Variants in C1orf159 observed in about 807,000 individuals in gnomAD.
The protein encoded by C1orf159 is chromosome 1 open reading frame 159.
A neutral mutation model predicts 25.6 loss-of-function variants in C1orf159; 19 were observed. The observed-to-expected ratio is 0.74, with a 90% CI of 0.52 to 1.09. The LOEUF (loss-of-function observed/expected upper bound fraction) is 1.09. C1orf159 is among the 50% of genes least tolerant of loss of function. The pLI, the probability that C1orf159 is intolerant of heterozygous loss-of-function variation, is 0.00. For missense variants in C1orf159, 274 were observed against 290.6 expected (o/e 0.94, Z 0.42); for synonymous variants, 139 against 124.7 (o/e 1.12, Z -0.77).
rs918120527 is a variant in C1orf159 at position 1,110,739 on chromosome 1, C to T, written c.-136+5321G>A. ...AAAATAGGCCCAACTCTTCAGACAG[C>T]GGAAACCCACCCGGGCGCCCTCAGA... is the stretch of plus-strand genomic sequence containing the variant. On this transcript the variant is annotated intron_variant, in intron 1 of 9. Transcript: ENST00000421241. This position sits in a 1 kb window ranked among gnomAD's most constrained non-coding sequence, Gnocchi z 4.8. Among the ~76,000 whole-genome samples, 7 of 152,218 alleles carry T rather than the reference C, an allele frequency of 4.6e-5. No homozygotes were observed. The highest frequency in any genetic ancestry group is 7.3e-5 in the Non-Finnish European group (5 of 68,046).
intron 9 of C1orf159, chr1:1,083,463 AAGACGCAGAGGTGGGGG>A (rs1645777450): frequency 4.8e-6 from 1 of 206,198 alleles, no homozygotes; most frequent in Admixed American, 5.3e-5. Context: ...GCAGAGAGAG[AAGACGCAGAGGTGGGGG>A]AGACGCCGTG....
At chr1:1,102,843 A>G (rs1646121819) in intron 1 of C1orf159, among the ~76,000 whole-genome samples, 1 of 150,850 alleles carries the variant, frequency 6.6e-6, no homozygotes, top group Non-Finnish European at 1.5e-5. Context: ...TTTTTTTGAG[A>G]CAAGAGTTTC....
intron 3 of C1orf159, chr1:1,090,809 T>G (rs989052495): frequency 7.4e-7 from 1 of 1,355,796 alleles, no homozygotes; most frequent in Non-Finnish European, 1.0e-6. Context: ...CTGGCTGGCA[T>G]TTCAGGGGAC....
intron 1 of C1orf159, among the ~76,000 whole-genome samples, chr1:1,104,969 A>G (rs1240981886): frequency 6.6e-6 from 1 of 152,232 alleles, no homozygotes; most frequent in Non-Finnish European, 1.5e-5. Flanking sequence ...CACTTGCCAC[A>G]TGCCAGACAC....
chr1:1,114,016 A>AC (rs1646299866), intron 1 of C1orf159, among the ~76,000 whole-genome samples: 1 of 149,030 alleles, frequency 6.7e-6, no homozygotes, highest in Non-Finnish European at 1.5e-5. Context: ...TCCCGAGTTC[A>AC]AGCGATTCTC....
At chr1:1,084,143 G>A in intron 9 of C1orf159, 1 of 1,549,630 alleles carries the variant, frequency 6.5e-7, no homozygotes. Context: ...CGGGCAGGGG[G>A]CGCCGGCCAA....
At chr1:1,112,333 G>T (rs1208287397) in intron 1 of C1orf159, among the ~76,000 whole-genome samples, 1 of 152,226 alleles carries the variant, frequency 6.6e-6, no homozygotes, top group South Asian at 2.1e-4. Flanking sequence ...CGTTTGACAG[G>T]TAACGGAAGA....
At chr1:1,090,225 C>T in intron 4 of C1orf159, 128 bp downstream of exon 4, 2 of 959,460 alleles carry the variant, frequency 2.1e-6, no homozygotes, top group Admixed American at 4.2e-5. Flanking sequence ...CCCTCACTGC[C>T]CCATCCACTC....
Position 1,105,959 on chromosome 1 carries a change from G to A in C1orf159, c.-136+10101C>T, listed in dbSNP as rs572912257. 3 of 152,316 alleles carry A rather than the reference G, an allele frequency of 2.0e-5. No homozygotes were observed. In the South Asian group the frequency reaches 6.2e-4, roughly 32 times the overall value. The allele number at this position is 152,316 out of a possible 1,614,324, so 9.4% of individuals were successfully genotyped here. A position where few individuals can be genotyped will look rare whatever the true frequency, so the allele number is the denominator to read the frequency against. On this transcript the variant is annotated intron_variant, in intron 1 of 9. Coordinates refer to ENST00000421241, the MANE Select transcript of C1orf159 (RefSeq NM_017891.5). ...GTTGTAGAATTTTCTAGCATACCTA[G>A]AAGTGAAATGCGTGCCGACAAGAGC...
chr1:1,116,065 C>T lies in C1orf159; in HGVS notation c.-141G>A. 1 of 152,268 alleles carries T rather than the reference C, an allele frequency of 6.6e-6. No individual in the cohort carries two copies. The highest frequency in any genetic ancestry group is 1.5e-5 in the Non-Finnish European group (1 of 68,080). The allele number at this position is 152,268 out of a possible 1,614,324, so 9.4% of individuals were successfully genotyped here. On this transcript the variant is annotated 5_prime_UTR_variant, in exon 1 of 10. Coordinates refer to ENST00000421241, the MANE Select transcript of C1orf159 (RefSeq NM_017891.5). This position sits in a 1 kb window ranked among gnomAD's most constrained non-coding sequence, Gnocchi z 4.8. ...GCCCCCAGCCCCTCACTCACCCCGG[C>T]GCCCTCCGGGTTTCTCTTTCGTACA...
At chr1:1,083,019 G>A (rs766587772) in intron 9 of C1orf159, 32 bp from the exon 10 acceptor site, 33 of 1,537,284 alleles carry the variant, frequency 2.1e-5, no homozygotes, top group Non-Finnish European at 2.7e-5. Flanking sequence ...CGAGGTCAGA[G>A]TGGGACCTGG....
At chr1:1,090,856 C>T (rs899074232) in intron 3 of C1orf159, 11 of 1,539,386 alleles carry the variant, frequency 7.1e-6, no homozygotes, top group South Asian at 2.4e-5. Flanking sequence ...TGCACAGGTG[C>T]GCTGGGTGCT....
intron 3 of C1orf159, chr1:1,091,245 G>T: frequency 1.6e-6 from 1 of 639,242 alleles, no homozygotes; most frequent in Non-Finnish European, 2.7e-6. Context: ...TGGGGGCCCC[G>T]CCTGACCCAG....
At position 1,103,416 on chromosome 1, in the gene C1orf159, G is replaced by A. The variant is rs115075475; in HGVS notation, c.-135-11313C>T. The stretch of plus-strand genomic sequence containing the variant: ...GAACTGTACCCTGTACATTGCAAAC[G>A]TTACATTGTGAAGACACTGGAATTC... On this transcript the variant is annotated intron_variant, in intron 1 of 9. Transcript: ENST00000421241. Among the ~76,000 whole-genome samples, 1,279 of 152,306 alleles carry A rather than the reference G, an allele frequency of 8.4e-3. 10 individuals carry two copies. The highest frequency in any genetic ancestry group is 0.014 in the Non-Finnish European group (964 of 68,034).
chr1:1,109,845 G>A (rs183520979), intron 1 of C1orf159, among the ~76,000 whole-genome samples: 31 of 152,162 alleles, frequency 2.0e-4, no homozygotes, highest in East Asian at 7.7e-4. Flanking sequence ...GGCGCGGCCC[G>A]GGAGTCACTC....
chr1:1,090,231 C>A, intron 4 of C1orf159, 122 bp downstream of exon 4: 1 of 1,013,694 alleles, frequency 9.9e-7, no homozygotes, highest in South Asian at 1.5e-5. Context: ...CTGCCCCATC[C>A]ACTCCCCAGG....
chr1:1,083,300 G>T, intron 9 of C1orf159: 1 of 339,868 alleles, frequency 2.9e-6, no homozygotes, highest in Non-Finnish European at 5.4e-6. Flanking sequence ...GCACCTCAGG[G>T]GGCGACAAGC....
chr1:1,100,814 CTTAGA>C (rs1183992428), intron 1 of C1orf159, among the ~76,000 whole-genome samples: 3 of 152,156 alleles, frequency 2.0e-5, no homozygotes, highest in Non-Finnish European at 4.4e-5. Flanking sequence ...TTCTAGTCTA[CTTAGA>C]ACTAGCATTA....
chr1:1,093,928 G>A (rs1645975514), intron 1 of C1orf159, among the ~76,000 whole-genome samples: 2 of 152,220 alleles, frequency 1.3e-5, no homozygotes, highest in Admixed American at 6.5e-5. Flanking sequence ...GGGTGTCCGT[G>A]CATGTGCAGG....
Sources: allele counts gnomAD v4.1 joint callset (sites outside exome capture counted in the v4.1 genomes callset), GRCh38; gene constraint gnomAD v4.1.1; non-coding constraint Gnocchi (gnomAD v3.1); transcripts MANE v1.5; gene names NCBI Gene and HGNC (gene_info 2026-07-23, HGNC 2026-07-21).